Variants in TTC39B observed in about 807,000 individuals in gnomAD.
TTC39B encodes the protein tetratricopeptide repeat protein 39B.
A neutral mutation model predicts 96.6 loss-of-function variants in TTC39B; 92 were observed. The observed-to-expected ratio is 0.95, with a 90% CI of 0.80 to 1.13. The LOEUF is 1.13. Ranked by LOEUF, TTC39B falls within the 50% of genes most tolerant of loss-of-function variation. TTC39B has a pLI of 0.00. For missense variants in TTC39B, 955 were observed against 809.3 expected (o/e 1.18, Z -2.18); for synonymous variants, 367 against 299.4 (o/e 1.23, Z -2.33).
At chr9:15,183,611 G>A (rs1818363692) in intron 16 of TTC39B, among the ~76,000 whole-genome samples, 3 of 152,190 alleles carry the variant, frequency 2.0e-5, no homozygotes, top group Admixed American at 6.5e-5. Context: ...CGTATACACT[G>A]GTATCTAAGT....
chr9:15,303,378 ATT>A (rs759714390), intron 1 of TTC39B, among the ~76,000 whole-genome samples: 1,864 of 141,702 alleles, frequency 0.013, 37 homozygotes, highest in African/African-American at 0.044. Flanking sequence ...CTGAAAAGTG[ATT>A]TTTTTTTTTT....
intron 8 of TTC39B, among the ~76,000 whole-genome samples, chr9:15,198,903 T>C (rs1211149706): frequency 6.6e-6 from 1 of 152,216 alleles, no homozygotes; most frequent in East Asian, 1.9e-4. Flanking sequence ...ATATGAATAT[T>C]AGACATAACA....
intron 3 of TTC39B, among the ~76,000 whole-genome samples, chr9:15,224,830 T>C (rs1436463130): frequency 6.6e-6 from 1 of 152,212 alleles, no homozygotes. Flanking sequence ...TTAAGATCCT[T>C]AGAAGTTATT....
intron 8 of TTC39B, among the ~76,000 whole-genome samples, chr9:15,195,794 T>C (rs974512542): frequency 1.3e-5 from 2 of 151,884 alleles, no homozygotes; most frequent in African/African-American, 4.8e-5. Flanking sequence ...AAACAACAAA[T>C]TTTCAATGTA....
chr9:15,277,077 T>C (rs1020248550), intron 1 of TTC39B, among the ~76,000 whole-genome samples: 1 of 152,340 alleles, frequency 6.6e-6, no homozygotes, highest in East Asian at 1.9e-4. Context: ...CTCTAGCCTT[T>C]ACCCTCTAGC....
intron 3 of TTC39B, among the ~76,000 whole-genome samples, chr9:15,219,756 A>G (rs904408187): frequency 6.6e-6 from 1 of 152,198 alleles, no homozygotes; most frequent in Non-Finnish European, 1.5e-5. Flanking sequence ...ACAGGGCATA[A>G]ATGGCCCAGC....
chr9:15,250,878 G>C (rs934451846), intron 2 of TTC39B, among the ~76,000 whole-genome samples: 7 of 152,126 alleles, frequency 4.6e-5, no homozygotes, highest in Non-Finnish European at 1.5e-5. Flanking sequence ...TTTTAGTATA[G>C]GACTCACTAA....
chr9:15,281,186 A>G (rs1823748641), intron 1 of TTC39B, among the ~76,000 whole-genome samples: 1 of 152,154 alleles, frequency 6.6e-6, no homozygotes, highest in South Asian at 2.1e-4. Flanking sequence ...AAAAACAACA[A>G]CAACAACAAC....
At chr9:15,257,927 C>T (rs1296919433) in intron 2 of TTC39B, among the ~76,000 whole-genome samples, 7 of 151,942 alleles carry the variant, frequency 4.6e-5, no homozygotes, top group South Asian at 2.1e-4. Context: ...GGCACGGTGG[C>T]GGGCGCCTGT....
rs146564253 is a variant in TTC39B, at chr9:15,206,004, G to C, written c.692-2114C>G. ...CACTTGATTCAGGAAGCAACAGTGA[G>C]TCAGTCCCTGCAGAGATCTGAGCAG... is the stretch of plus-strand genomic sequence containing the variant. On this transcript the variant is annotated intron_variant, in intron 6 of 19. Coordinates refer to ENST00000512701, the Ensembl canonical transcript of TTC39B. Among the ~76,000 whole-genome samples the C allele has an allele frequency of 2.7e-3, 408 of 152,276 alleles. 4 individuals carry two copies. The highest frequency in any genetic ancestry group is 8.8e-3 in the African/African-American group (367 of 41,536).
intron 1 of TTC39B, among the ~76,000 whole-genome samples, chr9:15,279,901 T>TG (rs1823693388): frequency 7.0e-6 from 1 of 143,508 alleles, no homozygotes; most frequent in Admixed American, 6.9e-5. Flanking sequence ...TCTTTTTTTT[T>TG]TTTTTTTTTT....
intron 1 of TTC39B, among the ~76,000 whole-genome samples, chr9:15,273,758 G>C (rs1333199533): frequency 6.6e-6 from 1 of 152,098 alleles, no homozygotes; most frequent in Non-Finnish European, 1.5e-5. Flanking sequence ...TGTGTGTTTG[G>C]TATCATGGAC....
chr9:15,236,382 C>T (rs180819550), intron 2 of TTC39B, among the ~76,000 whole-genome samples: 13 of 152,330 alleles, frequency 8.5e-5, no homozygotes, highest in African/African-American at 3.1e-4. Flanking sequence ...TGAGGGACTT[C>T]AACACCTCCA....
intron 1 of TTC39B, among the ~76,000 whole-genome samples, chr9:15,291,111 G>C (rs945619739): frequency 6.6e-6 from 1 of 152,162 alleles, no homozygotes; most frequent in African/African-American, 2.4e-5. Flanking sequence ...GCTTTCTATG[G>C]TGAAGAAGGG....
chr9:15,295,801 TG>T lies in TTC39B; in HGVS notation c.240+11282del, dbSNP rs1259289664. ...TGGGAAGCCAGAATCTAAGCCCAGCTGGCCACTCTCTCAGAAACTCAGTGCT... is the reference window on the plus strand; with the variant it reads ...TGGGAAGCCAGAATCTAAGCCCAGCTGCCACTCTCTCAGAAACTCAGTGCT... On this transcript the variant is annotated intron_variant, in intron 1 of 19. Coordinates refer to ENST00000512701, the Ensembl canonical transcript of TTC39B. Among the ~76,000 whole-genome samples, 4 of 152,206 alleles carry T rather than the reference TG, an allele frequency of 2.6e-5. No individual in the cohort carries two copies. In the East Asian group the frequency reaches 7.7e-4, roughly 29 times the overall value.
At chr9:15,234,246 C>T (rs1019624147) in intron 2 of TTC39B, among the ~76,000 whole-genome samples, 16 of 151,720 alleles carry the variant, frequency 1.1e-4, no homozygotes, top group Non-Finnish European at 2.4e-4. Context: ...GCAGCCACCC[C>T]GTCCGGGAGG....
intron 1 of TTC39B, among the ~76,000 whole-genome samples, chr9:15,296,587 C>G (rs1481509398): frequency 6.6e-6 from 1 of 152,174 alleles, no homozygotes; most frequent in Non-Finnish European, 1.5e-5. Context: ...CTCCGCCTCC[C>G]AGGTTCAAGC....
At chr9:15,267,886 A>G (rs1404682798) in intron 2 of TTC39B, 28 bp downstream of exon 2, 8 of 1,590,614 alleles carry the variant, frequency 5.0e-6, no homozygotes, top group Admixed American at 3.4e-5. Flanking sequence ...TTTCCTTACT[A>G]CATACTTTTT....
chr9:15,281,643 AAAAAAAATGGC>A (rs1438719152), intron 1 of TTC39B, among the ~76,000 whole-genome samples: 4 of 148,198 alleles, frequency 2.7e-5, no homozygotes, highest in Non-Finnish European at 5.9e-5. Flanking sequence ...AAAAAAAAAA[AAAAAAAATGGC>A]AAAAAGCTAA....
Sources: allele counts gnomAD v4.1 joint callset (sites outside exome capture counted in the v4.1 genomes callset), GRCh38; gene constraint gnomAD v4.1.1; transcripts MANE v1.5; gene names NCBI Gene and HGNC (gene_info 2026-07-23, HGNC 2026-07-21).